The following SGCD variants were observed in gnomAD, a reference collection of about 807,000 sequenced individuals.
The protein encoded by SGCD is sarcoglycan delta, also known as delta-sarcoglycan.
SGCD carries 18 observed loss-of-function variants against 36.6 expected under a neutral mutation model. That is an observed-to-expected ratio of 0.49 (90% confidence interval 0.34 to 0.73). SGCD has a LOEUF of 0.73. SGCD is among the 30% of genes least tolerant of loss of function. SGCD has a pLI of 0.01. For missense variants in SGCD, 387 were observed against 346.7 expected, an observed-to-expected ratio of 1.12 and a Z score of -0.92; for synonymous variants, 133 against 130.6, an observed-to-expected ratio of 1.02 and a Z score of -0.12.
the SGCD span, among the ~76,000 whole-genome samples, chr5:155,770,794 C>G: frequency 6.6e-6 from 1 of 152,014 alleles, no homozygotes; most frequent in African/African-American, 2.4e-5. Flanking sequence ...GAATTTAGTC[C>G]TCTTTATCAG....
chr5:156,573,780 A>C (rs1356357397), intron 4 of SGCD, among the ~76,000 whole-genome samples: 1 of 152,102 alleles, frequency 6.6e-6, no homozygotes, highest in Admixed American at 6.6e-5. Context: ...TGTAACCTCA[A>C]ACTCCTGGAC....
chr5:156,336,334 A>G (rs13160261), intron 2 of SGCD, among the ~76,000 whole-genome samples: 66,597 of 151,880 alleles, frequency 0.44, 14,942 homozygotes, highest in East Asian at 0.79. Flanking sequence ...TTAAACAGGA[A>G]CTCCTTAACA....
At chr5:155,732,808 G>A in the SGCD span, among the ~76,000 whole-genome samples, 38 of 152,012 alleles carry the variant, frequency 2.5e-4, no homozygotes, top group Non-Finnish European at 3.7e-4. Flanking sequence ...CCTCACTCCC[G>A]GATTCCAACA....
At chr5:156,008,041 T>C (rs1269346340) in intron 1 of SGCD, among the ~76,000 whole-genome samples, 1 of 152,218 alleles carries the variant, frequency 6.6e-6, no homozygotes, top group Non-Finnish European at 1.5e-5. Flanking sequence ...ATAGTGATGA[T>C]AAATATTCAC....
chr5:156,616,201 TA>T (rs1762013897), intron 6 of SGCD, among the ~76,000 whole-genome samples: 1 of 152,232 alleles, frequency 6.6e-6, no homozygotes, highest in Non-Finnish European at 1.5e-5. Flanking sequence ...GTTATCATCC[TA>T]ATATAAATAC....
rs370863401 is a variant in SGCD at position 156,306,419 on chromosome 5, G to T, written c.-43-23115G>T. 4.6e-5 allele frequency among the ~76,000 whole-genome samples: 7 copies of T among 152,268 alleles called. No homozygotes were observed. In the South Asian group the frequency reaches 8.3e-4, roughly 18 times the overall value. On this transcript the variant is annotated intron_variant, in intron 3 of 9. Transcript: ENST00000517913. ...CCTTGCCTTCTGCTGTGATTGTGGG[G>T]CTTCCCCAGCCATGTGGAACTGTAA...
At chr5:156,010,553 T>C (rs1758838699) in intron 1 of SGCD, among the ~76,000 whole-genome samples, 2 of 152,218 alleles carry the variant, frequency 1.3e-5, no homozygotes, top group South Asian at 4.1e-4. Context: ...TCTAGGTAAT[T>C]ACAGTATCTA....
In SGCD at chr5:156,759,368, T is replaced by C. The variant is rs772247898; in HGVS notation, c.851T>C (p.Ile284Thr). ...SQAGAGSTCQ[I>T]NTSVCL is the part of the protein sequence containing the mutation. ...GCAGGAGCTGGGTCCACTTGTCAGA[T>C]AAACACAAGTGTCTGCCTCTGAAAG... is the stretch of plus-strand genomic sequence containing the variant. Residue 284 changes from isoleucine to threonine, a missense_variant, in exon 9 of 9, where the codon ATA becomes ACA. By Grantham distance (89) the Ile-to-Thr change is moderately conservative. Coordinates refer to ENST00000337851, the MANE Select transcript of SGCD (RefSeq NM_000337.6). 2 of 1,610,848 alleles carry C rather than the reference T, an allele frequency of 1.2e-6. No homozygotes were observed. Among genetic ancestry groups the C allele is most frequent in the East Asian group, 2.2e-5 (1 of 44,812 alleles).
At chr5:155,826,145 A>C in the SGCD span, among the ~76,000 whole-genome samples, 1 of 152,218 alleles carries the variant, frequency 6.6e-6, no homozygotes. Flanking sequence ...AAGCAAGTCT[A>C]GCTCTAAAAT....
rs201007165 is a variant in SGCD at position 155,995,619 on chromosome 5, C to T, written c.-281-122259C>T. ...TAATTTCCCAAAGCAGGAATCAACC[C>T]GATATCTATCAATAGGAAAATGGAT... On this transcript the variant is annotated intron_variant, in intron 1 of 9. Transcript: ENST00000517913. Among the ~76,000 whole-genome samples the T allele has an allele frequency of 3.2e-4, 49 of 152,118 alleles. 1 individual carries two copies. The highest frequency in any genetic ancestry group is 2.1e-3 in the East Asian group (11 of 5,180).
At chr5:156,366,648 AG>A (rs1770123083) in intron 3 of SGCD, among the ~76,000 whole-genome samples, 1 of 152,222 alleles carries the variant, frequency 6.6e-6, no homozygotes, top group South Asian at 2.1e-4. Context: ...GAAATTCTTG[AG>A]GAAGAGGCTA....
At chr5:156,353,571 T>C (rs1016619527) in intron 3 of SGCD, among the ~76,000 whole-genome samples, 2 of 152,212 alleles carry the variant, frequency 1.3e-5, no homozygotes, top group Admixed American at 6.5e-5. Context: ...ATACTTTTCA[T>C]TTAACACTGT....
chr5:156,234,584 A>G (rs777272918), intron 3 of SGCD, among the ~76,000 whole-genome samples: 3 of 152,172 alleles, frequency 2.0e-5, no homozygotes, highest in Non-Finnish European at 4.4e-5. Context: ...ACTTTGGTCC[A>G]TGGGGCTAAT....
chr5:156,517,657 A>G (rs1314181903), intron 4 of SGCD, among the ~76,000 whole-genome samples: 1 of 152,168 alleles, frequency 6.6e-6, no homozygotes, highest in Non-Finnish European at 1.5e-5. Flanking sequence ...CTCAGCAGAA[A>G]CCCTACAAGC....
chr5:155,754,838 T>G, the SGCD span, among the ~76,000 whole-genome samples: 2 of 152,198 alleles, frequency 1.3e-5, no homozygotes, highest in Non-Finnish European at 2.9e-5. Flanking sequence ...CTGGTGATGA[T>G]TTACACATTC....
chr5:156,655,413 A>G (rs754791921), intron 7 of SGCD, among the ~76,000 whole-genome samples: 2 of 152,146 alleles, frequency 1.3e-5, no homozygotes, highest in Non-Finnish European at 2.9e-5. Flanking sequence ...AAGGAGAGGT[A>G]GCTTCCTCTT....
chr5:155,896,002 T>C (rs1756243957), intron 1 of SGCD, among the ~76,000 whole-genome samples: 1 of 152,280 alleles, frequency 6.6e-6, no homozygotes, highest in Non-Finnish European at 1.5e-5. Flanking sequence ...CACTTGAACT[T>C]GCCTAGTGAG....
At chr5:155,901,875 G>T (rs1424574885) in intron 1 of SGCD, among the ~76,000 whole-genome samples, 1 of 152,124 alleles carries the variant, frequency 6.6e-6, no homozygotes, top group Admixed American at 6.6e-5. Flanking sequence ...CCACTTCATA[G>T]ATCAAGAACA....
chr5:156,025,170 A>C (rs1393418261), intron 1 of SGCD, among the ~76,000 whole-genome samples: 2 of 152,152 alleles, frequency 1.3e-5, no homozygotes, highest in Non-Finnish European at 2.9e-5. Flanking sequence ...AGTGATCCTC[A>C]TCACTTCCAT....
Sources: allele counts gnomAD v4.1 joint callset (sites outside exome capture counted in the v4.1 genomes callset), GRCh38; gene constraint gnomAD v4.1.1; transcripts MANE v1.5; gene names NCBI Gene and HGNC (gene_info 2026-07-23, HGNC 2026-07-21).